PTPRT: variants seen among roughly 807,000 people sequenced by gnomAD.
PTPRT encodes receptor-type tyrosine-protein phosphatase T.
In PTPRT, 56 loss-of-function variants were observed where a neutral mutation model predicts 176.8. The observed-to-expected ratio is 0.32, with a 90% CI of 0.26 to 0.40. The LOEUF (loss-of-function observed/expected upper bound fraction) is 0.40. Among genes scored for constraint, PTPRT ranks in the 10% least tolerant of loss-of-function variants. PTPRT has a pLI of 1.00. For synonymous variants in PTPRT, 783 were observed against 739.0 expected (o/e 1.06, Z -0.96); for missense variants, 1,540 against 1,908.2 (o/e 0.81, Z 3.60).
At chr20:42,855,429 CTTTT>C (rs555034551) in intron 2 of PTPRT, among the ~76,000 whole-genome samples, 53 of 115,694 alleles carry the variant, frequency 4.6e-4, no homozygotes, top group African/African-American at 1.8e-3. Flanking sequence ...TATGTTCATG[CTTTT>C]TTTTTTTTTT....
At chr20:42,532,552 C>A (rs1249685217) in intron 7 of PTPRT, among the ~76,000 whole-genome samples, 2 of 152,126 alleles carry the variant, frequency 1.3e-5, no homozygotes, top group Non-Finnish European at 2.9e-5. Flanking sequence ...CAGGTGTGCA[C>A]CACCATGACT....
chr20:43,133,953 C>A (rs1042498149), intron 1 of PTPRT, among the ~76,000 whole-genome samples: 1 of 152,082 alleles, frequency 6.6e-6, no homozygotes, highest in Non-Finnish European at 1.5e-5. Flanking sequence ...AGGCACTACA[C>A]TTTGAAAACT....
At chr20:43,062,559 G>C (rs183328725) in intron 1 of PTPRT, among the ~76,000 whole-genome samples, 2 of 152,148 alleles carry the variant, frequency 1.3e-5, no homozygotes, top group Non-Finnish European at 2.9e-5. Context: ...CTTACTATTA[G>C]CTCTCCCTGA....
At chr20:42,522,110 T>C (rs2072187872) in intron 7 of PTPRT, among the ~76,000 whole-genome samples, 1 of 150,860 alleles carries the variant, frequency 6.6e-6, no homozygotes, top group Non-Finnish European at 1.5e-5. Context: ...GGAATTCCAG[T>C]ATAATGATTT....
chr20:42,977,530 T>A (rs1983020005), intron 1 of PTPRT, among the ~76,000 whole-genome samples: 1 of 152,176 alleles, frequency 6.6e-6, no homozygotes, highest in South Asian at 2.1e-4. Flanking sequence ...AAATCAAGAA[T>A]TGTTCATAAT....
At chr20:42,192,663 C>T (rs1013459993) in intron 16 of PTPRT, among the ~76,000 whole-genome samples, 1 of 152,134 alleles carries the variant, frequency 6.6e-6, no homozygotes, top group African/African-American at 2.4e-5. Context: ...TGTGGCTCTT[C>T]GTGTAGGCTT....
At chr20:42,608,804 C>G (rs1045777483) in intron 7 of PTPRT, among the ~76,000 whole-genome samples, 4 of 152,148 alleles carry the variant, frequency 2.6e-5, no homozygotes, top group African/African-American at 9.7e-5. Flanking sequence ...AGAAGATCTT[C>G]AAGGGAACAA....
At chr20:42,487,736 G>A (rs1448897453) in intron 7 of PTPRT, among the ~76,000 whole-genome samples, 1 of 152,142 alleles carries the variant, frequency 6.6e-6, no homozygotes, top group African/African-American at 2.4e-5. Context: ...CAGCCCTGCA[G>A]ACCTATCTCA....
intron 12 of PTPRT, among the ~76,000 whole-genome samples, chr20:42,307,782 G>A (rs150803348): frequency 6.6e-6 from 1 of 152,246 alleles, no homozygotes; most frequent in Non-Finnish European, 1.5e-5. Flanking sequence ...GAGACCTACT[G>A]GGCTGTATTC....
In PTPRT at chr20:43,064,351, C is replaced by G. The variant is rs79484606; in HGVS notation, c.88+125295G>C. On this transcript the variant is annotated intron_variant, in intron 1 of 30. Transcript: ENST00000373187. Reference sequence around the variant, plus strand: ...TCCTGAATGACTGAAGAGTATAGTCCTCTGCCAGTCACACTGGAGTGATGG... The same window carrying G: ...TCCTGAATGACTGAAGAGTATAGTCGTCTGCCAGTCACACTGGAGTGATGG... Among the ~76,000 whole-genome samples, 1,005 of 152,280 alleles carry G rather than the reference C, an allele frequency of 6.6e-3. 10 individuals are homozygous for G. Among genetic ancestry groups the G allele is most frequent in the African/African-American group, 0.011 (446 of 41,558 alleles).
At position 43,062,519 on chromosome 20, in the gene PTPRT, C is replaced by T. The variant is rs532978657; in HGVS notation, c.88+127127G>A. 6.6e-5 allele frequency among the ~76,000 whole-genome samples: 10 copies of T among 152,320 alleles called. No homozygotes were observed. In the South Asian group the frequency reaches 1.5e-3, roughly 22 times the overall value. ...ACAGCTTCAATTCTCTACTTCACTT[C>T]GCTGGGAGATCTTGAACTGCTAAAT... On this transcript the variant is annotated intron_variant, in intron 1 of 30. Coordinates refer to ENST00000373187, the MANE Select transcript of PTPRT (RefSeq NM_007050.6).
intron 7 of PTPRT, among the ~76,000 whole-genome samples, chr20:42,639,448 G>A (rs966556734): frequency 6.6e-6 from 1 of 152,098 alleles, no homozygotes; most frequent in African/African-American, 2.4e-5. Flanking sequence ...TGCAGCCTCT[G>A]TTCTGGCCCT....
intron 9 of PTPRT, among the ~76,000 whole-genome samples, chr20:42,379,193 G>A (rs2058677236): frequency 6.6e-6 from 1 of 152,212 alleles, no homozygotes; most frequent in Admixed American, 6.5e-5. Flanking sequence ...CTTGGCATAT[G>A]CTGTCACCTC....
Position 42,387,814 on chromosome 20 carries a change from T to A in PTPRT, c.1561-35529A>T, listed in dbSNP as rs373920460. Among the ~76,000 whole-genome samples, 82 of 149,226 alleles carry A rather than the reference T, an allele frequency of 5.5e-4. No homozygotes were observed. In the East Asian group the frequency reaches 0.016, roughly 28 times the overall value. On this transcript the variant is annotated intron_variant, in intron 9 of 30. Coordinates refer to ENST00000373187, the MANE Select transcript of PTPRT (RefSeq NM_007050.6). The stretch of plus-strand genomic sequence containing the variant: ...ATTCTTTTTTTTTTTTTTTTTGAGA[T>A]GAAGTCTCGCCCTGTCGCCCAGACT...
At chr20:43,071,974 G>A (rs964111166) in intron 1 of PTPRT, among the ~76,000 whole-genome samples, 10 of 152,198 alleles carry the variant, frequency 6.6e-5, no homozygotes, top group African/African-American at 1.9e-4. Context: ...CAGGCATACT[G>A]CCTGGTCTAT....
chr20:42,559,928 C>A (rs967619004), intron 7 of PTPRT, among the ~76,000 whole-genome samples: 3 of 152,204 alleles, frequency 2.0e-5, no homozygotes, highest in Non-Finnish European at 4.4e-5. Context: ...CATATTTCAG[C>A]AGCATTACCG....
chr20:42,463,222 T>C (rs1459287905), intron 8 of PTPRT, among the ~76,000 whole-genome samples: 3 of 152,056 alleles, frequency 2.0e-5, no homozygotes, highest in African/African-American at 7.2e-5. Context: ...CGGCAAAAAA[T>C]TCCTTTTTTT....
intron 9 of PTPRT, among the ~76,000 whole-genome samples, chr20:42,402,540 A>G (rs2058919356): frequency 6.6e-6 from 1 of 150,830 alleles, no homozygotes; most frequent in African/African-American, 2.4e-5. Context: ...AGACTTCAGT[A>G]TTGAGCCAGT....
chr20:42,173,470 T>A (rs1990160611), intron 16 of PTPRT, among the ~76,000 whole-genome samples: 1 of 152,210 alleles, frequency 6.6e-6, no homozygotes, highest in South Asian at 2.1e-4. Flanking sequence ...CACTATTTTT[T>A]AAAAAACTTT....
Sources: gnomAD v4.1 joint callset for allele counts (sites outside exome capture counted in the v4.1 genomes callset) on GRCh38, gnomAD v4.1.1 for gene constraint, MANE v1.5 for transcripts, NCBI Gene and HGNC (gene_info 2026-07-23, HGNC 2026-07-21) for gene names.